TJP1: variants seen among roughly 807,000 people sequenced by gnomAD.
TJP1 encodes tight junction protein ZO-1.
Under a neutral mutation model 194.2 loss-of-function variants are expected in TJP1, and 43 were observed. The ratio of observed to expected loss-of-function variants is 0.22; its 90% CI spans 0.17 to 0.29. The LOEUF is 0.29. Ranked by LOEUF, TJP1 falls within the 10% of genes least tolerant of loss-of-function variation. The pLI is 1.00. For missense variants in TJP1, 1,971 were observed against 2,185.7 expected (o/e 0.90, Z 1.96); for synonymous variants, 801 against 779.0 (o/e 1.03, Z -0.47).
chr15:29,702,018 A>AT (rs1463086567), intron 27 of TJP1, among the ~76,000 whole-genome samples: 1 of 151,990 alleles, frequency 6.6e-6, no homozygotes, highest in East Asian at 1.9e-4. Context: ...CAAAAAATGA[A>AT]TACAAGTGAG....
chr15:29,705,286 C>T (rs1241280909), intron 26 of TJP1, among the ~76,000 whole-genome samples: 2 of 152,204 alleles, frequency 1.3e-5, no homozygotes, highest in African/African-American at 4.8e-5. Flanking sequence ...CATCCCGTGG[C>T]CTGTCCTATG....
At chr15:29,925,226 A>C in intron 2 of TJP1, among the ~76,000 whole-genome samples, 1 of 152,168 alleles carries the variant, frequency 6.6e-6, no homozygotes, top group Non-Finnish European at 1.5e-5. Context: ...GGGTATGCAA[A>C]ATTTACCTTT....
intron 2 of TJP1, among the ~76,000 whole-genome samples, chr15:29,948,531 C>A (rs574158479): frequency 6.6e-6 from 1 of 152,292 alleles, no homozygotes. Flanking sequence ...GGAAAGAGAA[C>A]TTTAGGGGAA....
chr15:29,703,621 A>ATT (rs2041697461), intron 27 of TJP1, among the ~76,000 whole-genome samples: 1 of 152,010 alleles, frequency 6.6e-6, no homozygotes, highest in African/African-American at 2.4e-5. Context: ...AACACCAAGA[A>ATT]ATAGTCAATA....
intron 8 of TJP1, chr15:29,760,340 A>G (rs1490170433): frequency 1.7e-5 from 12 of 690,126 alleles, no homozygotes; most frequent in Non-Finnish European, 2.9e-5. Flanking sequence ...TAGGTCATAT[A>G]CTACCAGTAT....
At chr15:29,873,701 CT>C (rs2052603372) in intron 2 of TJP1, among the ~76,000 whole-genome samples, 1 of 152,196 alleles carries the variant, frequency 6.6e-6, no homozygotes, top group African/African-American at 2.4e-5. Context: ...ACAGACTCCA[CT>C]TGCTCAGACT....
intron 11 of TJP1, among the ~76,000 whole-genome samples, chr15:29,736,553 G>A (rs144594124): frequency 6.6e-6 from 1 of 152,320 alleles, no homozygotes; most frequent in African/African-American, 2.4e-5. Flanking sequence ...GTTTAATCTA[G>A]CAAATCAAAT....
At chr15:29,905,748 C>A (rs2053786727) in intron 2 of TJP1, among the ~76,000 whole-genome samples, 1 of 152,170 alleles carries the variant, frequency 6.6e-6, no homozygotes, top group Admixed American at 6.5e-5. Flanking sequence ...TATTTGGTTT[C>A]TTTTACTTAG....
Position 29,834,093 on chromosome 15 carries a change from C to T in TJP1, c.307-33391G>A, listed in dbSNP as rs532569782. On this transcript the variant is annotated intron_variant, in intron 2 of 28. Transcript: ENST00000356107. ...AGACAGGGTTTCACCATGTTAGCCA[C>T]GATGGTCTCAATCTCCTGACCTCGT... Among the ~76,000 whole-genome samples, 10 of 149,488 alleles carry T rather than the reference C, an allele frequency of 6.7e-5. No individual in the cohort carries two copies. In the South Asian group the frequency reaches 1.9e-3, roughly 29 times the overall value.
intron 8 of TJP1, among the ~76,000 whole-genome samples, chr15:29,743,645 T>G (rs758645279): frequency 9.9e-5 from 15 of 152,256 alleles, no homozygotes; most frequent in Non-Finnish European, 1.6e-4. Context: ...GAGAATTGCT[T>G]GAGCCGAGGA....
intron 2 of TJP1, among the ~76,000 whole-genome samples, chr15:29,865,013 C>T (rs2052252293): frequency 6.6e-6 from 1 of 152,214 alleles, no homozygotes; most frequent in Admixed American, 6.5e-5. Context: ...AGTACCCTTC[C>T]AATTCTGTGA....
In TJP1 at chr15:29,822,047, C is replaced by A; in HGVS notation, c.-19G>T. 1 of 1,311,392 alleles carries A rather than the reference C, an allele frequency of 7.6e-7. No homozygotes were observed. Among genetic ancestry groups the A allele is most frequent in the South Asian group, 2.4e-5 (1 of 42,394 alleles). The allele number at this position is 1,311,392 out of a possible 1,614,324, so 81.2% of individuals were successfully genotyped here. ...CGGACATCTTGTCTCTCTCCAGCGCCGCGCGAGGCTCCTCGGACCCGAAAC... is the reference window on the plus strand; with the variant it reads ...CGGACATCTTGTCTCTCTCCAGCGCAGCGCGAGGCTCCTCGGACCCGAAAC... On this transcript the variant is annotated 5_prime_UTR_variant, in exon 1 of 28. Coordinates refer to ENST00000614355, the MANE Select transcript of TJP1 (RefSeq NM_001330239.4).
At chr15:29,755,531 G>A (rs1313625883) in intron 8 of TJP1, among the ~76,000 whole-genome samples, 1 of 152,126 alleles carries the variant, frequency 6.6e-6, no homozygotes. Flanking sequence ...CTGTATCAAT[G>A]CTGACACACC....
At chr15:29,936,877 G>A (rs1056543385) in intron 2 of TJP1, among the ~76,000 whole-genome samples, 5 of 152,106 alleles carry the variant, frequency 3.3e-5, no homozygotes, top group Admixed American at 2.0e-4. Context: ...CAGCCCAGTG[G>A]AGTCCAGCTA....
chr15:29,924,005 T>G (rs1392313992), intron 2 of TJP1, among the ~76,000 whole-genome samples: 1 of 152,234 alleles, frequency 6.6e-6, no homozygotes, highest in African/African-American at 2.4e-5. Flanking sequence ...TCTAAAAAGC[T>G]ATCTGACATA....
At chr15:29,862,096 C>T (rs893462451) in intron 2 of TJP1, among the ~76,000 whole-genome samples, 44 of 152,244 alleles carry the variant, frequency 2.9e-4, no homozygotes, top group African/African-American at 1.0e-3. Context: ...CTATTGAATT[C>T]TTTAGTTAAG....
chr15:29,761,185 G>T lies in TJP1; in HGVS notation c.964C>A (p.Pro322Thr). 1 of 1,613,912 alleles carries T rather than the reference G, an allele frequency of 6.2e-7. No individual in the cohort carries two copies. Among genetic ancestry groups the T allele is most frequent in the Non-Finnish European group, 8.5e-7 (1 of 1,179,954 alleles). Reference sequence around the variant, plus strand: ...GGCGAGTGCCTGGAATGATCAGAAGGCTCTGACCGCTGGTCAGGAGATCGT... The same window carrying T: ...GGCGAGTGCCTGGAATGATCAGAAGTCTCTGACCGCTGGTCAGGAGATCGT... ...RSRSPDQRSE[P>T]SDHSRHSPQQ... The change falls in exon 8 of 28, where the codon CCT (proline) becomes ACT (threonine). Residue 322 changes from proline (P) to threonine (T), a missense_variant. Pro to Thr is a conservative substitution (Grantham distance 38, BLOSUM62 -1). Around this residue, in one of 5 missense-constraint regions of TJP1, gnomAD observed 192 missense variants for 182.3 expected, o/e 1.05. Coordinates refer to ENST00000614355, the MANE Select transcript of TJP1 (RefSeq NM_001330239.4).
chr15:29,737,122 A>AT (rs1316222849), intron 11 of TJP1, 142 bp downstream of exon 11: 3 of 987,774 alleles, frequency 3.0e-6, no homozygotes, highest in Non-Finnish European at 4.4e-6. Flanking sequence ...GACCTGATGG[A>AT]TTTTGACTTT....
At chr15:29,960,864 G>A (rs1022145152) in intron 1 of TJP1, among the ~76,000 whole-genome samples, 6 of 152,058 alleles carry the variant, frequency 3.9e-5, no homozygotes, top group African/African-American at 1.4e-4. Context: ...ACCCCCCTTT[G>A]TTTGGTGTGG....
Sources: allele counts gnomAD v4.1 joint callset (sites outside exome capture counted in the v4.1 genomes callset), GRCh38; gene constraint gnomAD v4.1.1; regional missense constraint gnomAD v4.1.1; transcripts MANE v1.5; gene names NCBI Gene and HGNC (gene_info 2026-07-23, HGNC 2026-07-21).